The following RLN2 variants were observed in gnomAD, a reference collection of about 807,000 sequenced individuals.
RLN2 encodes prorelaxin H2.
In RLN2, 10 loss-of-function variants were observed where a neutral mutation model predicts 7.3. The observed-to-expected ratio is 1.36, with a 90% CI of 0.84 to 2.31. The LOEUF (loss-of-function observed/expected upper bound fraction) is 2.31, where lower values mean the gene tolerates loss of function less well. Ranked by LOEUF, RLN2 falls within the 30% of genes most tolerant of loss-of-function variation. The probability of loss-of-function intolerance (pLI) is 0.00; values close to 1 mark genes in which losing one functional copy is unlikely to be tolerated. For missense variants in RLN2, 298 were observed against 217.6 expected (o/e 1.37, Z -2.32); for synonymous variants, 103 against 82.3 (o/e 1.25, Z -1.36).
chr9:5,324,140 C>A, the RLN2 span, among the ~76,000 whole-genome samples: 17 of 151,952 alleles, frequency 1.1e-4, no homozygotes, highest in Admixed American at 1.1e-3. Context: ...AAAAAAATCA[C>A]CAATATTTGT....
the RLN2 span, among the ~76,000 whole-genome samples, chr9:5,332,498 G>C: frequency 1.3e-5 from 2 of 151,904 alleles, no homozygotes; most frequent in African/African-American, 2.4e-5. Flanking sequence ...ATCATTATTG[G>C]TCTCAATGTA....
At chr9:5,335,580 T>C in the RLN2 span, 1 of 1,606,448 alleles carries the variant, frequency 6.2e-7, no homozygotes, top group Non-Finnish European at 8.5e-7. Context: ...TCTTTGTTGA[T>C]GAAGGATGGT....
At chr9:5,312,164 G>A in the RLN2 span, among the ~76,000 whole-genome samples, 1 of 152,010 alleles carries the variant, frequency 6.6e-6, no homozygotes, top group Non-Finnish European at 1.5e-5. Flanking sequence ...TGGCTCCCAA[G>A]AGGAGGGATC....
At chr9:5,328,948 G>A in the RLN2 span, among the ~76,000 whole-genome samples, 704 of 152,126 alleles carry the variant, frequency 4.6e-3, 12 homozygotes, top group African/African-American at 0.016. Flanking sequence ...AACATGGAAA[G>A]GAACAACCAG....
chr9:5,314,117 C>T, the RLN2 span, among the ~76,000 whole-genome samples: 1,504 of 152,134 alleles, frequency 9.9e-3, 35 homozygotes, highest in African/African-American at 0.034. Flanking sequence ...CAGCTACACT[C>T]CCCACAGAGG....
At chr9:5,331,243 T>C in the RLN2 span, among the ~76,000 whole-genome samples, 2 of 152,028 alleles carry the variant, frequency 1.3e-5, no homozygotes, top group African/African-American at 4.8e-5. Context: ...CCCTAACTCA[T>C]TTTATGGGGC....
the RLN2 span, among the ~76,000 whole-genome samples, chr9:5,332,684 G>A: frequency 4.6e-5 from 7 of 150,984 alleles, no homozygotes; most frequent in Admixed American, 6.6e-5. Context: ...GTGCAATGGC[G>A]CAATCTCAGC....
At chr9:5,310,971 T>G in the RLN2 span, among the ~76,000 whole-genome samples, 3 of 152,228 alleles carry the variant, frequency 2.0e-5, no homozygotes, top group East Asian at 5.8e-4. Flanking sequence ...CTTTCTTGAT[T>G]TAGATCTGAG....
At chr9:5,331,834 T>C in the RLN2 span, among the ~76,000 whole-genome samples, 1 of 151,800 alleles carries the variant, frequency 6.6e-6, no homozygotes, top group African/African-American at 2.4e-5. Flanking sequence ...CAAAGAAAAA[T>C]AAATAAATAA....
the RLN2 span, among the ~76,000 whole-genome samples, chr9:5,319,070 T>C: frequency 7.2e-5 from 11 of 151,970 alleles, no homozygotes; most frequent in African/African-American, 2.4e-4. Flanking sequence ...ACCATCTCCC[T>C]AGCCCAGCAT....
the RLN2 span, among the ~76,000 whole-genome samples, chr9:5,331,640 G>C: frequency 1.3e-5 from 2 of 150,248 alleles, no homozygotes; most frequent in African/African-American, 4.9e-5. Flanking sequence ...ACACAGGGTG[G>C]GGAACATCAC....
Position 5,300,131 on chromosome 9 carries a change from A to T in RLN2, c.525T>A (p.Gly175=). 1 of 1,603,422 alleles carries T rather than the reference A, an allele frequency of 6.2e-7. No individual in the cohort carries two copies. Among genetic ancestry groups the T allele is most frequent in the Non-Finnish European group, 8.5e-7 (1 of 1,176,846 alleles). The change falls in exon 2 of 2, where the codon GGT becomes GGA. Residue 175 remains glycine, a synonymous_variant. Coordinates refer to ENST00000381627, the MANE Select transcript of RLN2 (RefSeq NM_134441.3). ...ATCTAGCAAGAGATCTTTTGGTACA[A>T]CCAACATGGCAACATTTATTAGCCA... The part of the protein sequence containing the change: ...SALANKCCHV[G]CTKRSLARFC
chr9:5,302,370 G>T (rs1226090127), intron 1 of RLN2, among the ~76,000 whole-genome samples: 4 of 152,256 alleles, frequency 2.6e-5, no homozygotes, highest in East Asian at 3.9e-4. Context: ...CAGTGAATAT[G>T]ATTTTAGCAC....
At chr9:5,336,337 T>A in the RLN2 span, among the ~76,000 whole-genome samples, 1 of 152,062 alleles carries the variant, frequency 6.6e-6, no homozygotes, top group Non-Finnish European at 1.5e-5. Context: ...CTGTCTGATG[T>A]TTGTTCCAAG....
At chr9:5,306,102 G>GGTTTTTTTTTTTTTTTT (rs1554618110), upstream of RLN2, among the ~76,000 whole-genome samples, 8 of 123,430 alleles carry the variant, frequency 6.5e-5, 1 homozygote, top group African/African-American at 1.3e-4. Flanking sequence ...CTTTGTTTTT[G>GGTTTTTTTTTTTTTTTT]TTTTTTGTTT....
chr9:5,302,541 C>T (rs1655615674), intron 1 of RLN2, among the ~76,000 whole-genome samples: 1 of 152,144 alleles, frequency 6.6e-6, no homozygotes, highest in Non-Finnish European at 1.5e-5. Flanking sequence ...TCTTAATCTC[C>T]ACCTGCAGGC....
the RLN2 span, among the ~76,000 whole-genome samples, chr9:5,315,620 C>T: frequency 6.6e-6 from 1 of 151,952 alleles, no homozygotes; most frequent in African/African-American, 2.4e-5. Context: ...ACAGATTGAT[C>T]TCAAATAGGT....
the RLN2 span, among the ~76,000 whole-genome samples, chr9:5,330,766 CAAA>C: frequency 1.3e-5 from 1 of 76,312 alleles, no homozygotes; most frequent in Non-Finnish European, 2.9e-5. Context: ...GATAGAGAGA[CAAA>C]AAAAAAAAAA....
chr9:5,314,892 C>G, the RLN2 span, among the ~76,000 whole-genome samples: 1 of 151,084 alleles, frequency 6.6e-6, no homozygotes, highest in Non-Finnish European at 1.5e-5. Flanking sequence ...CCTATTGGCT[C>G]CGTTTCCCAA....
Sources: allele counts gnomAD v4.1 joint callset (sites outside exome capture counted in the v4.1 genomes callset), GRCh38; gene constraint gnomAD v4.1.1; transcripts MANE v1.5; gene names NCBI Gene and HGNC (gene_info 2026-07-23, HGNC 2026-07-21).